The following FBN3 variants were observed in gnomAD, a reference collection of about 807,000 sequenced individuals.
The protein encoded by FBN3 is fibrillin-3.
In FBN3, 234 loss-of-function variants were observed where a neutral mutation model predicts 330.1. The ratio of observed to expected loss-of-function variants is 0.71; its 90% confidence interval spans 0.64 to 0.79. The LOEUF is 0.79. FBN3 is among the 30% of genes least tolerant of loss of function. FBN3 has a pLI of 0.00. For missense variants in FBN3, 3,606 were observed against 3,886.9 expected (o/e 0.93, Z 1.92); for synonymous variants, 1,458 against 1,517.3 (o/e 0.96, Z 0.91).
chr19:8,097,476 C>T lies in FBN3; in HGVS notation c.5162-62G>A, dbSNP rs561207107. The T allele has an allele frequency of 4.7e-5, 71 of 1,524,878 alleles. 2 individuals carry two copies. The highest frequency in any genetic ancestry group is 4.5e-4 in the South Asian group (36 of 79,982). 94.5% of individuals were successfully genotyped at this position (1,524,878 alleles called of 1,614,324 possible). On this transcript the variant is annotated intron_variant, in intron 41 of 63. Transcript: ENST00000600128. ...CCCTGGGACTTCCAGCGATGCTGAG[C>T]GAAGGGACCCACTAGCCCTGCAATC... is the stretch of plus-strand genomic sequence containing the variant.
rs527907115 is a variant in FBN3 at position 8,118,166 on chromosome 19, C to G, written c.3338-577G>C. 6.6e-5 allele frequency among the ~76,000 whole-genome samples: 10 copies of G among 152,242 alleles called. No individual in the cohort carries two copies. In the South Asian group the frequency reaches 2.1e-3, roughly 32 times the overall value. The stretch of plus-strand genomic sequence containing the variant: ...ACCCAGACACCCACACCCAGAGGTA[C>G]ACCCACACAGACCCACTCAAACACA... On this transcript the variant is annotated intron_variant, in intron 26 of 63. Coordinates refer to ENST00000600128, the MANE Select transcript of FBN3 (RefSeq NM_032447.5).
rs2083084217 is a variant in FBN3 at position 8,129,906 on chromosome 19, T to A, written c.2045-541A>T. The stretch of plus-strand genomic sequence containing the variant: ...GACCCATGTCTATAAAAAGCAATTT[T>A]TTTTTTTTTGAGATAGGGTCTCACT... On this transcript the variant is annotated intron_variant, in intron 16 of 63. Transcript: ENST00000600128. This position sits in a 1 kb window ranked among gnomAD's most constrained non-coding sequence, Gnocchi z 4.5. Among the ~76,000 whole-genome samples the A allele has an allele frequency of 6.6e-6, 1 of 151,612 alleles. No individual in the cohort carries two copies. Among genetic ancestry groups the A allele is most frequent in the Non-Finnish European group, 1.5e-5 (1 of 67,926 alleles).
intron 14 of FBN3, among the ~76,000 whole-genome samples, chr19:8,132,760 G>C (rs1313039211): frequency 2.6e-5 from 4 of 152,206 alleles, no homozygotes; most frequent in African/African-American, 9.6e-5. Context: ...CCAAGGTGCT[G>C]GGACTACAGG....
At chr19:8,095,302 A>G in intron 46 of FBN3, 73 bp downstream of exon 46, 1 of 1,485,680 alleles carries the variant, frequency 6.7e-7, no homozygotes, top group Non-Finnish European at 9.1e-7. Context: ...ATGCTCACCC[A>G]GAAGTACCAA....
chr19:8,114,920 A>G (rs575638153), intron 30 of FBN3, among the ~76,000 whole-genome samples: 7 of 151,914 alleles, frequency 4.6e-5, no homozygotes, highest in Admixed American at 3.3e-4. Flanking sequence ...CCAGGCTAGA[A>G]TGCAGTGGTG....
At chr19:8,142,576 A>AC (rs1232179624) in intron 6 of FBN3, among the ~76,000 whole-genome samples, 4 of 151,562 alleles carry the variant, frequency 2.6e-5, no homozygotes, top group Non-Finnish European at 5.9e-5. Flanking sequence ...AATTCTCTGG[A>AC]CCCCCAACAT....
rs2082096620 is a variant in FBN3 at position 8,091,587 on chromosome 19, A to G, written c.5909T>C (p.Ile1970Thr). Residue 1970 changes from isoleucine (I) to threonine (T), a missense_variant, in exon 48 of 64, where the codon ATC (isoleucine) becomes ACC (threonine). Coordinates refer to ENST00000600128, the MANE Select transcript of FBN3 (RefSeq NM_032447.5). ...FQVQSDHCID[I>T]DECSEEPNLC... Reference sequence around the variant, plus strand: ...GTTGGGCTCCTCTGAGCACTCGTCGATATCTGGAAGGGCAGGGACATGAGC... The same window carrying G: ...GTTGGGCTCCTCTGAGCACTCGTCGGTATCTGGAAGGGCAGGGACATGAGC... 1.2e-6 allele frequency: 2 copies of G among 1,614,050 alleles called. No homozygotes were observed. Among genetic ancestry groups the G allele is most frequent in the Non-Finnish European group, 1.7e-6 (2 of 1,179,982 alleles).
At chr19:8,071,945 G>T in intron 63 of FBN3, 103 bp downstream of exon 63, 1 of 1,188,994 alleles carries the variant, frequency 8.4e-7, no homozygotes, top group African/African-American at 1.6e-5. Context: ...GGAGCCTGGT[G>T]CTCCTTCTTG....
At chr19:8,084,174 C>T (rs1487416511) in intron 56 of FBN3, among the ~76,000 whole-genome samples, 1 of 152,192 alleles carries the variant, frequency 6.6e-6, no homozygotes, top group African/African-American at 2.4e-5. Context: ...CAGTGAGACG[C>T]ACTGATGTCC....
At chr19:8,081,572 T>G in intron 57 of FBN3, 92 bp from the exon 58 acceptor site, 1 of 1,367,146 alleles carries the variant, frequency 7.3e-7, no homozygotes, top group South Asian at 1.5e-5. Flanking sequence ...ACCCCGACCA[T>G]CTGAAATCTG....
rs371683910 is a variant in FBN3 at position 8,087,892 on chromosome 19, G to A, written c.6552C>T (p.Thr2184=). 4.1e-5 allele frequency: 66 copies of A among 1,614,056 alleles called. No homozygotes were observed. The highest frequency in any genetic ancestry group is 2.3e-4 in the African/African-American group (17 of 74,924). The change falls in exon 53 of 64, where the codon ACC becomes ACT. Residue 2184 remains threonine (T), a synonymous_variant. Transcript: ENST00000600128. The part of the protein sequence containing the change: ...PLLCAFRCHN[T]EGSYLCTCPA... The stretch of plus-strand genomic sequence containing the variant: ...GACAGGTGCACAGGTAGGAGCCCTC[G>A]GTATTGTGGCAGCGGAAGGCACAGA...
intron 8 of FBN3, among the ~76,000 whole-genome samples, chr19:8,139,848 C>T (rs2083372343): frequency 1.3e-5 from 2 of 151,942 alleles, no homozygotes; most frequent in Admixed American, 6.5e-5. Flanking sequence ...AAAAACTCCT[C>T]CCAGCAGCTG....
Position 8,081,370 on chromosome 19 carries a change from T to G in FBN3, c.7324A>C (p.Arg2442=). The G allele has an allele frequency of 6.2e-7, 1 of 1,605,722 alleles. No individual in the cohort carries two copies. Among genetic ancestry groups the G allele is most frequent in the East Asian group, 2.2e-5 (1 of 44,852 alleles). ...PRGYLLEEDG[R]TCKDLDECTS... ...GAAAGGACATCACCTTTGCAGGTCC[T>G]GCCATCCTCCTCCAGCAGGTAGCCT... The change falls in exon 58 of 64, where the codon AGG becomes CGG. Residue 2442 remains arginine (R), a synonymous_variant. Coordinates refer to ENST00000600128, the MANE Select transcript of FBN3 (RefSeq NM_032447.5).
chr19:8,074,409 G>C (rs2081592089), intron 61 of FBN3, among the ~76,000 whole-genome samples: 1 of 152,126 alleles, frequency 6.6e-6, no homozygotes, highest in African/African-American at 2.4e-5. Context: ...AGCAGGGATA[G>C]CCACATCACA....
Position 8,096,752 on chromosome 19 carries a change from T to G in FBN3, c.5413+129A>C. 1 of 1,307,680 alleles carries G rather than the reference T, an allele frequency of 7.6e-7. No individual in the cohort carries two copies. Among genetic ancestry groups the G allele is most frequent in the Non-Finnish European group, 1.1e-6 (1 of 946,512 alleles). 81.0% of individuals were successfully genotyped at this position (1,307,680 alleles called of 1,614,324 possible). A position where few individuals can be genotyped will look rare whatever the true frequency, so the allele number is the denominator to read the frequency against. ...TCTATCACATCCTATTAACAGACAC[T>G]CTCAATACATCCCCCACCCCCCTAA... On this transcript the variant is annotated intron_variant, in intron 43 of 63. Coordinates refer to ENST00000600128, the MANE Select transcript of FBN3 (RefSeq NM_032447.5). The surrounding 1 kb of genome is among the most constrained non-coding windows in gnomAD (Gnocchi z 4.6).
intron 63 of FBN3, among the ~76,000 whole-genome samples, chr19:8,069,081 C>A (rs78309858): frequency 1.3e-5 from 2 of 151,912 alleles, no homozygotes; most frequent in African/African-American, 4.8e-5. Flanking sequence ...GAAGCCAGCC[C>A]CTAAAAGAAT....
chr19:8,102,371 C>A (rs1041434122), intron 40 of FBN3, among the ~76,000 whole-genome samples: 1 of 152,036 alleles, frequency 6.6e-6, no homozygotes, highest in African/African-American at 2.4e-5. Context: ...TGCGCCACCA[C>A]ACCCAGCTAA....
In FBN3 at chr19:8,085,586, G is replaced by A. The variant is rs199662883; in HGVS notation, c.6881-17C>T. The stretch of plus-strand genomic sequence containing the variant: ...GCCGGATGTCTGCAGAGAACAATGG[G>A]AAAGACAACGGTCACTCCAGGAGGC... On this transcript the variant is annotated splice_polypyrimidine_tract_variant and intron_variant, in intron 55 of 63. Coordinates refer to ENST00000600128, the MANE Select transcript of FBN3 (RefSeq NM_032447.5). The A allele has an allele frequency of 2.6e-6, 4 of 1,521,636 alleles. No homozygotes were observed. In the East Asian group the frequency reaches 9.6e-5, roughly 37 times the overall value. The allele number at this position is 1,521,636 out of a possible 1,614,324, so 94.3% of individuals were successfully genotyped here. A position where few individuals can be genotyped will look rare whatever the true frequency, so the allele number is the denominator to read the frequency against.
chr19:8,078,118 C>G (rs2081686323), intron 59 of FBN3, among the ~76,000 whole-genome samples: 1 of 152,140 alleles, frequency 6.6e-6, no homozygotes. Context: ...CCCACAATTT[C>G]TTTCCCTTAC....
Sources: gnomAD v4.1 joint callset for allele counts (sites outside exome capture counted in the v4.1 genomes callset) on GRCh38, gnomAD v4.1.1 for gene constraint, Gnocchi (gnomAD v3.1) non-coding constraint, MANE v1.5 for transcripts, NCBI Gene and HGNC (gene_info 2026-07-23, HGNC 2026-07-21) for gene names.